Variants in RIOX2 observed in about 807,000 individuals in gnomAD.
RIOX2 encodes 60S ribosomal protein L27a histidine hydroxylase.
A neutral mutation model predicts 51.2 loss-of-function variants in RIOX2; 43 were observed. The ratio of observed to expected loss-of-function variants is 0.84; its 90% CI spans 0.66 to 1.08. The LOEUF (loss-of-function observed/expected upper bound fraction) is 1.08. Ranked by LOEUF, RIOX2 falls within the 50% of genes least tolerant of loss-of-function variation. The probability of loss-of-function intolerance (pLI) is 0.00; values close to 1 mark genes in which losing one functional copy is unlikely to be tolerated. For synonymous variants in RIOX2, 226 were observed against 218.5 expected (o/e 1.03, Z -0.30); for missense variants, 566 against 561.7 (o/e 1.01, Z -0.08).
intron 5 of RIOX2, among the ~76,000 whole-genome samples, chr3:97,953,117 C>A (rs1446451336): frequency 6.6e-6 from 1 of 152,146 alleles, no homozygotes; most frequent in South Asian, 2.1e-4. Context: ...TGACCCACCC[C>A]TACTTACTCA....
chr3:97,945,473 A>C, intron 9 of RIOX2, 131 bp from the exon 10 acceptor site: 1 of 786,444 alleles, frequency 1.3e-6, no homozygotes. Context: ...GACACACTAC[A>C]ATTAGATAAC....
chr3:97,946,935 T>A (rs961656905), intron 8 of RIOX2, among the ~76,000 whole-genome samples: 2 of 152,024 alleles, frequency 1.3e-5, no homozygotes, highest in Non-Finnish European at 2.9e-5. Flanking sequence ...GGAAGCAAAA[T>A]TACAGAATAT....
chr3:97,967,703 G>T, intron 1 of RIOX2, 71 bp from the exon 2 acceptor site: 1 of 1,075,566 alleles, frequency 9.3e-7, no homozygotes, highest in South Asian at 1.7e-5. Context: ...TGGATCGCGC[G>T]CACACACAAC....
chr3:97,964,696 TAAAA>T (rs1159985029), intron 2 of RIOX2, among the ~76,000 whole-genome samples: 2 of 60,210 alleles, frequency 3.3e-5, no homozygotes, highest in Non-Finnish European at 6.3e-5. Flanking sequence ...GACTCTGTCT[TAAAA>T]AAAAAAAAAA....
At chr3:97,967,034 T>A in intron 2 of RIOX2, 128 bp downstream of exon 2, 4 of 939,462 alleles carry the variant, frequency 4.3e-6, no homozygotes, top group Non-Finnish European at 4.9e-6. Context: ...ACCAAAGAGG[T>A]GCTACCCCTT....
In RIOX2 at chr3:97,945,257, T is replaced by G; in HGVS notation, c.1325A>C (p.Lys442Thr). The G allele has an allele frequency of 1.2e-6, 2 of 1,612,776 alleles. No individual in the cohort carries two copies. The highest frequency in any genetic ancestry group is 2.7e-5 in the African/African-American group (2 of 74,948). Reference protein sequence around the residue: ...NSPAISVKDLKLTTDEEKESL... With the variant: ...NSPAISVKDLTLTTDEEKESL... ...TTCCTTTTCCTCATCTGTAGTAAGT[T>G]TCAGGTCCTTGACAGAAATAGCTGG... The change falls in exon 10 of 10, where the codon AAA becomes ACA. Residue 442 changes from lysine (K) to threonine (T), a missense_variant. Physicochemically the swap from Lys to Thr is moderately conservative, Grantham distance 78. Coordinates refer to ENST00000394198, the MANE Select transcript of RIOX2 (RefSeq NM_153182.4).
chr3:97,954,423 T>C lies in RIOX2; in HGVS notation c.754A>G (p.Thr252Ala), dbSNP rs946476587. 2 of 1,613,944 alleles carry C rather than the reference T, an allele frequency of 1.2e-6. No individual in the cohort carries two copies. Among genetic ancestry groups the C allele is most frequent in the Non-Finnish European group, 1.7e-6 (2 of 1,179,860 alleles). Residue 252 changes from threonine (T) to alanine (A), a missense_variant, in exon 5 of 10, where the codon ACT becomes GCT. Thr to Ala is a moderately conservative substitution (Grantham distance 58, BLOSUM62 0). Coordinates refer to ENST00000394198, the MANE Select transcript of RIOX2 (RefSeq NM_153182.4). ...TGGTAGGTGCTGATGGTCACGTGAG[T>C]AGAGTGGGCCAGCCCCGCAGGAGTG... is the stretch of plus-strand genomic sequence containing the variant. ...ADTPAGLAHS[T>A]HVTISTYQNN... is the part of the protein sequence containing the mutation.
In RIOX2 at chr3:97,949,985, G is replaced by C; in HGVS notation, c.919C>G (p.Arg307Gly). Reference protein sequence around the residue: ...QVESTTVATRRLSGFLRTLAD... With the variant: ...QVESTTVATRGLSGFLRTLAD... ...AGTGTCCTCAGGAAGCCACTTAATC[G>C]TCTTGTAGCAACAGTTGTGGATTCC... The change falls in exon 7 of 10, where the codon CGA becomes GGA. Residue 307 changes from arginine to glycine, a missense_variant. Physicochemically the swap from Arg to Gly is moderately radical, Grantham distance 125. Transcript: ENST00000394198. 1.9e-6 allele frequency: 3 copies of C among 1,613,800 alleles called. No individual in the cohort carries two copies. The highest frequency in any genetic ancestry group is 2.5e-6 in the Non-Finnish European group (3 of 1,179,928).
chr3:97,967,058 G>A, intron 2 of RIOX2, 104 bp downstream of exon 2: 2 of 1,234,634 alleles, frequency 1.6e-6, no homozygotes, highest in Non-Finnish European at 2.3e-6. Context: ...AAACTGGCAA[G>A]AGACTAACCA....
chr3:97,972,280 A>C (rs560723684), intron 1 of RIOX2, 101 bp downstream of exon 1: 4 of 149,042 alleles, frequency 2.7e-5, no homozygotes, highest in South Asian at 2.2e-4. Flanking sequence ...CCAGACCCGC[A>C]CCCGAGCCCG....
rs896588154 is a variant in RIOX2 at position 97,972,428 on chromosome 3, C to A, written c.-87G>T. The A allele has an allele frequency of 9.3e-5, 14 of 151,062 alleles. No individual in the cohort carries two copies. Among genetic ancestry groups the A allele is most frequent in the African/African-American group, 3.4e-4 (14 of 41,282 alleles). The allele number at this position is 151,062 out of a possible 1,614,324, so 9.4% of individuals were successfully genotyped here. A position where few individuals can be genotyped will look rare whatever the true frequency, so the allele number is the denominator to read the frequency against. Reference sequence around the variant, plus strand: ...GCCGCGAGCCCACTGCGTTGCGGCGCAGCGGCTGGAGGCGGGGCAGCGTGG... The same window carrying A: ...GCCGCGAGCCCACTGCGTTGCGGCGAAGCGGCTGGAGGCGGGGCAGCGTGG... On this transcript the variant is annotated 5_prime_UTR_variant, in exon 1 of 10. Transcript: ENST00000394198.
rs2040249195 is a variant in RIOX2, at chr3:97,942,309, TTGGTGG to T, written c.*2869_*2874del. 2 of 1,610,714 alleles carry T rather than the reference TTGGTGG, an allele frequency of 1.2e-6. No individual in the cohort carries two copies. On this transcript the variant is annotated 3_prime_UTR_variant, in exon 10 of 10. Transcript: ENST00000394198. ...GCCAGTGATACATGTCTTGATGTGA[TTGGTGG>T]CCGGGACACACCTGGAGCTAAAGTA... is the stretch of plus-strand genomic sequence containing the variant.
At chr3:97,967,029 A>G in intron 2 of RIOX2, 133 bp downstream of exon 2, 1 of 909,590 alleles carries the variant, frequency 1.1e-6, no homozygotes. Flanking sequence ...TTTAGACCAA[A>G]GAGGTGCTAC....
intron 2 of RIOX2, among the ~76,000 whole-genome samples, chr3:97,962,369 C>A (rs868346645): frequency 2.8e-4 from 32 of 112,870 alleles, no homozygotes; most frequent in Admixed American, 5.7e-4. Context: ...CCCCCCCCCC[C>A]CCCCACATGG....
intron 7 of RIOX2, among the ~76,000 whole-genome samples, chr3:97,948,048 C>T (rs1039983622): frequency 3.3e-5 from 5 of 152,034 alleles, no homozygotes; most frequent in Admixed American, 6.6e-5. Flanking sequence ...GGGAAGGAGT[C>T]GTGAGGGATC....
chr3:97,969,469 C>T (rs952411055), intron 1 of RIOX2, among the ~76,000 whole-genome samples: 2 of 152,192 alleles, frequency 1.3e-5, no homozygotes, highest in Non-Finnish European at 2.9e-5. Flanking sequence ...GACTGCTATC[C>T]TTTGAAAGTG....
chr3:97,947,943 A>G (rs1477671600), intron 7 of RIOX2, among the ~76,000 whole-genome samples: 1 of 152,218 alleles, frequency 6.6e-6, no homozygotes, highest in Non-Finnish European at 1.5e-5. Flanking sequence ...GCCATCTAAT[A>G]AAGTCCACAG....
intron 5 of RIOX2, among the ~76,000 whole-genome samples, chr3:97,951,569 GT>G (rs1365907587): frequency 6.6e-6 from 1 of 152,124 alleles, no homozygotes; most frequent in African/African-American, 2.4e-5. Flanking sequence ...GTGCGTGCCG[GT>G]GTAAGAAATG....
At chr3:97,966,721 A>C (rs555748154) in intron 2 of RIOX2, among the ~76,000 whole-genome samples, 1 of 152,268 alleles carries the variant, frequency 6.6e-6, no homozygotes, top group South Asian at 2.1e-4. Context: ...TGAAGCCTCC[A>C]TTTAGATGCA....
Sources: allele counts gnomAD v4.1 joint callset (sites outside exome capture counted in the v4.1 genomes callset), GRCh38; gene constraint gnomAD v4.1.1; transcripts MANE v1.5; gene names NCBI Gene and HGNC (gene_info 2026-07-23, HGNC 2026-07-21).